The following PTPRR variants were observed in gnomAD, a reference collection of about 807,000 sequenced individuals.
PTPRR encodes receptor-type tyrosine-protein phosphatase R.
Under a neutral mutation model 77.2 loss-of-function variants are expected in PTPRR, and 38 were observed. That is an observed-to-expected ratio of 0.49 (90% CI 0.38 to 0.65). The LOEUF (loss-of-function observed/expected upper bound fraction) is 0.65, where lower values mean the gene tolerates loss of function less well. Among genes scored for constraint, PTPRR ranks in the 30% least tolerant of loss-of-function variants. The pLI, the probability that PTPRR is intolerant of heterozygous loss-of-function variation, is 0.00. For missense variants in PTPRR, 744 were observed against 799.2 expected (o/e 0.93, Z 0.83); for synonymous variants, 299 against 283.1 (o/e 1.06, Z -0.57).
chr12:70,645,588 C>A (rs1318841053), intron 13 of PTPRR, among the ~76,000 whole-genome samples: 1 of 152,158 alleles, frequency 6.6e-6, no homozygotes, highest in African/African-American at 2.4e-5. Flanking sequence ...GGAAGAAAGT[C>A]ATTCCCTTTA....
chr12:70,858,391 A>T (rs530397152), intron 2 of PTPRR, among the ~76,000 whole-genome samples: 2 of 152,196 alleles, frequency 1.3e-5, no homozygotes, highest in South Asian at 4.2e-4. Flanking sequence ...TTGTCAGGGC[A>T]TAACTTTTCC....
chr12:70,866,568 A>G (rs1892853701), intron 2 of PTPRR, among the ~76,000 whole-genome samples: 1 of 152,214 alleles, frequency 6.6e-6, no homozygotes, highest in Non-Finnish European at 1.5e-5. Context: ...AAAGTCCAGG[A>G]CCAGATGGAT....
intron 2 of PTPRR, among the ~76,000 whole-genome samples, chr12:70,781,056 C>T (rs1290291302): frequency 3.3e-5 from 5 of 152,152 alleles, no homozygotes; most frequent in African/African-American, 9.7e-5. Flanking sequence ...ATATCACTTT[C>T]GTGATTTGAA....
intron 4 of PTPRR, among the ~76,000 whole-genome samples, chr12:70,760,666 T>C (rs1890670715): frequency 6.6e-6 from 1 of 152,218 alleles, no homozygotes; most frequent in African/African-American, 2.4e-5. Flanking sequence ...TCTTAGGTGG[T>C]GCTTTACGCC....
At chr12:70,783,327 A>G (rs528748103) in intron 2 of PTPRR, among the ~76,000 whole-genome samples, 5 of 151,976 alleles carry the variant, frequency 3.3e-5, no homozygotes, top group Non-Finnish European at 5.9e-5. Context: ...TTGTGCAGAC[A>G]TCTACTGCTC....
Position 70,821,213 on chromosome 12 carries a change from C to CTTTTTT in PTPRR, c.358-56441_358-56436dup, listed in dbSNP as rs61539990. 8.8e-3 allele frequency among the ~76,000 whole-genome samples: 280 copies of CTTTTTT among 31,990 alleles called. 62 individuals carry two copies. Among genetic ancestry groups the CTTTTTT allele is most frequent in the East Asian group, 0.016 (7 of 438 alleles). 21.0% of individuals were successfully genotyped at this position (31,990 alleles called of 152,430 possible). A position where few individuals can be genotyped will look rare whatever the true frequency, so the allele number is the denominator to read the frequency against. ...CAAAACATGTTGAAAGGGATCACTG[C>CTTTTTT]TTTTTTTTTTTTTTTTTTTTTTTTT... On this transcript the variant is annotated intron_variant, in intron 2 of 13. Transcript: ENST00000283228.
At chr12:70,907,699 A>G (rs1332668784) in intron 1 of PTPRR, among the ~76,000 whole-genome samples, 4 of 152,232 alleles carry the variant, frequency 2.6e-5, no homozygotes, top group Non-Finnish European at 4.4e-5. Context: ...AATGAGCATT[A>G]AGACCTTGGG....
Position 70,909,958 on chromosome 12 carries a change from T to G in PTPRR, c.58+10375A>C, listed in dbSNP as rs115299788. Among the ~76,000 whole-genome samples, 682 of 152,300 alleles carry G rather than the reference T, an allele frequency of 4.5e-3. 5 individuals are homozygous for G. The highest frequency in any genetic ancestry group is 0.015 in the African/African-American group (643 of 41,568). On this transcript the variant is annotated intron_variant, in intron 1 of 13. Transcript: ENST00000283228. ...TTGCTAATTATGAGCATTTAAAAAT[T>G]TATAAGACGAAGGTTTTACTAGTAT...
At chr12:70,689,317 A>T (rs1358699826) in intron 8 of PTPRR, among the ~76,000 whole-genome samples, 1 of 152,140 alleles carries the variant, frequency 6.6e-6, no homozygotes, top group Non-Finnish European at 1.5e-5. Context: ...TGTTATTTTC[A>T]ATTAAAAATA....
chr12:70,853,987 A>T (rs1468529075), intron 2 of PTPRR, among the ~76,000 whole-genome samples: 1 of 152,224 alleles, frequency 6.6e-6, no homozygotes, highest in Non-Finnish European at 1.5e-5. Context: ...AGTAGCTACA[A>T]TATCATCATT....
At chr12:70,823,535 T>C (rs1892058559) in intron 2 of PTPRR, among the ~76,000 whole-genome samples, 1 of 152,224 alleles carries the variant, frequency 6.6e-6, no homozygotes, top group African/African-American at 2.4e-5. Flanking sequence ...TGTGTGTTTT[T>C]TTTGTTTTGT....
chr12:70,739,342 T>C (rs1565675585), intron 6 of PTPRR, among the ~76,000 whole-genome samples: 1 of 152,172 alleles, frequency 6.6e-6, no homozygotes, highest in Non-Finnish European at 1.5e-5. Flanking sequence ...ATTTTATAGA[T>C]TGGGAAAACT....
chr12:70,882,541 CCT>C (rs1893167349), intron 2 of PTPRR, among the ~76,000 whole-genome samples: 1 of 152,096 alleles, frequency 6.6e-6, no homozygotes, highest in Admixed American at 6.6e-5. Flanking sequence ...CAAGAGTTTG[CCT>C]CTGTGTTTAC....
intron 12 of PTPRR, among the ~76,000 whole-genome samples, chr12:70,658,889 T>A (rs1299523926): frequency 8.3e-6 from 1 of 121,198 alleles, no homozygotes; most frequent in African/African-American, 3.3e-5. Context: ...TCTAGTTTTT[T>A]TTTTTTTTTT....
chr12:70,639,189 G>A lies in PTPRR; in HGVS notation c.1969C>T (p.Gln657Ter), dbSNP rs1885892833. 1 of 1,612,206 alleles carries A rather than the reference G, an allele frequency of 6.2e-7. No homozygotes were observed. Among genetic ancestry groups the A allele is most frequent in the South Asian group, 1.1e-5 (1 of 91,060 alleles). The change falls in exon 14 of 14, where the codon CAG becomes TAG. Residue 657 changes from glutamine (Q) to a stop codon, truncating the protein, a stop_gained. Transcript: ENST00000283228. LOFTEE classifies it high-confidence loss of function. ...YESRLSAETV[Q>*] ...TCTGACAAGTCTTCAATGACTCACT[G>A]GACAGTCTCTGCTGAAAGTCTGCTC... is the stretch of plus-strand genomic sequence containing the variant.
chr12:70,778,751 T>C (rs1197057054), intron 2 of PTPRR, among the ~76,000 whole-genome samples: 1 of 152,236 alleles, frequency 6.6e-6, no homozygotes, highest in Non-Finnish European at 1.5e-5. Flanking sequence ...TCTTTGTGAT[T>C]GTTGTAGACA....
At chr12:70,909,676 A>G (rs2137135092) in intron 1 of PTPRR, among the ~76,000 whole-genome samples, 1 of 152,290 alleles carries the variant, frequency 6.6e-6, no homozygotes, top group Middle Eastern at 3.4e-3. Context: ...TTCCCTGTCT[A>G]GTACATATTT....
At chr12:70,669,444 A>G (rs774713111) in intron 10 of PTPRR, among the ~76,000 whole-genome samples, 6 of 146,806 alleles carry the variant, frequency 4.1e-5, no homozygotes, top group Non-Finnish European at 8.9e-5. Context: ...TTATATATAT[A>G]TGCTATTTAT....
At chr12:70,715,651 A>G (rs1343746452) in intron 6 of PTPRR, among the ~76,000 whole-genome samples, 1 of 152,162 alleles carries the variant, frequency 6.6e-6, no homozygotes, top group Admixed American at 6.5e-5. Flanking sequence ...TGAGAAAAAG[A>G]ATTCAGCGAT....
Sources: gnomAD v4.1 joint callset for allele counts (sites outside exome capture counted in the v4.1 genomes callset) on GRCh38, gnomAD v4.1.1 for gene constraint, MANE v1.5 for transcripts, NCBI Gene and HGNC (gene_info 2026-07-23, HGNC 2026-07-21) for gene names.